The following KAT7 variants were observed in gnomAD, a reference collection of about 807,000 sequenced individuals.
KAT7 encodes lysine acetyltransferase 7.
A neutral mutation model predicts 82.1 loss-of-function variants in KAT7; 10 were observed. That is an observed-to-expected ratio of 0.12 (90% confidence interval 0.08 to 0.21). The LOEUF (loss-of-function observed/expected upper bound fraction) is 0.21. Among genes scored for constraint, KAT7 ranks in the 10% least tolerant of loss-of-function variants. The probability of loss-of-function intolerance (pLI) is 1.00; values close to 1 mark genes in which losing one functional copy is unlikely to be tolerated. For missense variants in KAT7, 378 were observed against 760.9 expected (o/e 0.50, Z 5.92); for synonymous variants, 250 against 262.5 (o/e 0.95, Z 0.46).
intron 7 of KAT7, among the ~76,000 whole-genome samples, chr17:49,812,468 G>A (rs2074179802): frequency 6.6e-6 from 1 of 151,532 alleles, no homozygotes; most frequent in Non-Finnish European, 1.5e-5. Context: ...CAGGTAATCT[G>A]CCCACCTCGG....
chr17:49,811,446 TTC>T, intron 6 of KAT7, 28 bp from the exon 7 acceptor site: 1 of 1,155,242 alleles, frequency 8.7e-7, no homozygotes, highest in South Asian at 1.5e-5. Flanking sequence ...ATAAGGAGTT[TTC>T]TCTCAGTTTT....
At chr17:49,814,254 A>C (rs781010838) in intron 7 of KAT7, among the ~76,000 whole-genome samples, 5 of 152,274 alleles carry the variant, frequency 3.3e-5, no homozygotes, top group South Asian at 2.1e-4. Context: ...ACATGGACAT[A>C]GGCCAATGTA....
intron 2 of KAT7, chr17:49,795,605 C>G (rs1024544360): frequency 2.5e-5 from 6 of 242,620 alleles, no homozygotes. Flanking sequence ...CTACCGAGTG[C>G]TAACATGGAT....
At chr17:49,799,116 T>C (rs2073991921) in intron 4 of KAT7, among the ~76,000 whole-genome samples, 1 of 152,222 alleles carries the variant, frequency 6.6e-6, no homozygotes, top group Admixed American at 6.5e-5. Flanking sequence ...ATTATATTCT[T>C]ATGAGTTTTA....
At chr17:49,795,342 G>A (rs185060224) in intron 2 of KAT7, 1 of 185,556 alleles carries the variant, frequency 5.4e-6, no homozygotes, top group South Asian at 1.3e-4. Flanking sequence ...GCATCACCAC[G>A]ATGGTGTTGT....
rs2074408176 is a variant in KAT7, at chr17:49,829,830, A to G, written c.*2328A>G. 1 of 152,088 alleles carries G rather than the reference A, an allele frequency of 6.6e-6. No individual in the cohort carries two copies. Among genetic ancestry groups the G allele is most frequent in the Admixed American group, 6.5e-5 (1 of 15,276 alleles). The allele number at this position is 152,088 out of a possible 1,614,324, so 9.4% of individuals were successfully genotyped here. ...CTCATTTAAACCCCCACAGGTGTGGAAACAGAGTTTCACTTGCCTTGGCAA... is the reference window on the plus strand; with the variant it reads ...CTCATTTAAACCCCCACAGGTGTGGGAACAGAGTTTCACTTGCCTTGGCAA... On this transcript the variant is annotated 3_prime_UTR_variant, in exon 15 of 15. Coordinates refer to ENST00000259021, the MANE Select transcript of KAT7 (RefSeq NM_007067.5).
rs10694119 is a variant in KAT7, at chr17:49,800,010, CT to C, written c.580+1471del. 1.1e-3 allele frequency among the ~76,000 whole-genome samples: 105 copies of C among 98,426 alleles called. 1 individual carries two copies. The highest frequency in any genetic ancestry group is 3.3e-3 in the African/African-American group (82 of 24,616). 64.6% of individuals were successfully genotyped at this position (98,426 alleles called of 152,430 possible). A position where few individuals can be genotyped will look rare whatever the true frequency, so the allele number is the denominator to read the frequency against. Reference sequence around the variant, plus strand: ...TAATTAATTTGGATTGTTTCCTGGCCTTTTTTTTTTTTTTTTTTTGAGACTG... The same window carrying C: ...TAATTAATTTGGATTGTTTCCTGGCCTTTTTTTTTTTTTTTTTTGAGACTG... On this transcript the variant is annotated intron_variant, in intron 4 of 14. Transcript: ENST00000259021.
At chr17:49,794,529 G>A (rs973826975) in intron 2 of KAT7, among the ~76,000 whole-genome samples, 2 of 152,138 alleles carry the variant, frequency 1.3e-5, no homozygotes, top group Admixed American at 1.3e-4. Context: ...CAAGTGATCT[G>A]CCCGCCTCGG....
rs769666458 is a variant in KAT7 at position 49,817,933 on chromosome 17, T to C, written c.1077T>C (p.Tyr359=). 3 of 1,613,446 alleles carry C rather than the reference T, an allele frequency of 1.9e-6. No individual in the cohort carries two copies. The highest frequency in any genetic ancestry group is 2.5e-6 in the Non-Finnish European group (3 of 1,179,478). Residue 359 remains tyrosine, a synonymous_variant, in exon 9 of 15, where the codon TAT becomes TAC. Coordinates refer to ENST00000259021, the MANE Select transcript of KAT7 (RefSeq NM_007067.5). ...TWYHSPYPEE[Y]ARLGRLYMCE... ...ATCATTCTCCATATCCTGAAGAATA[T>C]GCACGGCTGGGACGTCTCTATATGT...
At chr17:49,804,341 T>G (rs966978337) in intron 4 of KAT7, among the ~76,000 whole-genome samples, 8 of 149,828 alleles carry the variant, frequency 5.3e-5, no homozygotes, top group African/African-American at 2.0e-4. Context: ...ATCGCATCAC[T>G]GCACTCCAGT....
At chr17:49,794,646 T>C (rs367943775) in intron 2 of KAT7, among the ~76,000 whole-genome samples, 134 of 152,358 alleles carry the variant, frequency 8.8e-4, no homozygotes, top group Middle Eastern at 3.4e-3. Flanking sequence ...TGGGAATATG[T>C]TATTCTCGGC....
chr17:49,804,108 G>A (rs1224680570), intron 4 of KAT7, among the ~76,000 whole-genome samples: 1 of 152,042 alleles, frequency 6.6e-6, no homozygotes, highest in East Asian at 1.9e-4. Context: ...GGCCGGGCGC[G>A]GTGGCTCACG....
intron 4 of KAT7, among the ~76,000 whole-genome samples, chr17:49,804,378 C>CA (rs1192411045): frequency 0.059 from 5,442 of 92,922 alleles, 340 homozygotes; most frequent in African/African-American, 0.19. Flanking sequence ...GACTCCGTCT[C>CA]AAAAAAAAAA....
intron 12 of KAT7, 105 bp downstream of exon 12, chr17:49,823,400 T>A (rs1598089021): frequency 1.5e-6 from 1 of 689,314 alleles, no homozygotes; most frequent in East Asian, 2.5e-5. Flanking sequence ...ATAGTGAAGG[T>A]ACATGGATAT....
intron 4 of KAT7, among the ~76,000 whole-genome samples, chr17:49,803,489 A>G (rs796877958): frequency 5.9e-5 from 9 of 151,904 alleles, no homozygotes; most frequent in African/African-American, 2.2e-4. Flanking sequence ...CAGTGGTGCA[A>G]TCTCGGCTCA....
At chr17:49,794,572 C>T (rs1432208868) in intron 2 of KAT7, among the ~76,000 whole-genome samples, 15 of 152,238 alleles carry the variant, frequency 9.9e-5, no homozygotes, top group South Asian at 2.1e-4. Flanking sequence ...AGGCGTGAGC[C>T]GCCGTGCCCA....
intron 5 of KAT7, among the ~76,000 whole-genome samples, chr17:49,808,192 G>A (rs2074116125): frequency 7.0e-6 from 1 of 142,820 alleles, no homozygotes; most frequent in Non-Finnish European, 1.5e-5. Flanking sequence ...TGCAATCTCA[G>A]CTCACTGCAG....
At chr17:49,823,787 A>C (rs1226654254) in intron 12 of KAT7, 2 of 154,312 alleles carry the variant, frequency 1.3e-5, no homozygotes, top group African/African-American at 4.8e-5. Context: ...GTCATTCGTG[A>C]ACATGCACAG....
intron 7 of KAT7, among the ~76,000 whole-genome samples, chr17:49,812,413 C>T (rs758799339): frequency 1.2e-4 from 18 of 151,602 alleles, no homozygotes; most frequent in Non-Finnish European, 2.2e-4. Flanking sequence ...TTAGTAGAGA[C>T]GGGGTTTTAC....
Sources: allele counts gnomAD v4.1 joint callset (sites outside exome capture counted in the v4.1 genomes callset), GRCh38; gene constraint gnomAD v4.1.1; transcripts MANE v1.5; gene names NCBI Gene and HGNC (gene_info 2026-07-23, HGNC 2026-07-21).